Variants in IL1RAP observed in about 807,000 individuals in gnomAD.
IL1RAP encodes interleukin-1 receptor accessory protein.
In IL1RAP, 35 loss-of-function variants were observed where a neutral mutation model predicts 60.7. The ratio of observed to expected loss-of-function variants is 0.58; its 90% confidence interval spans 0.44 to 0.76. IL1RAP has a LOEUF of 0.76. Among genes scored for constraint, IL1RAP ranks in the 30% least tolerant of loss-of-function variants. The pLI is 0.00. For synonymous variants in IL1RAP, 268 were observed against 250.9 expected (o/e 1.07, Z -0.64); for missense variants, 572 against 693.9 (o/e 0.82, Z 1.97).
intron 3 of IL1RAP, among the ~76,000 whole-genome samples, chr3:190,601,806 G>A (rs1339682207): frequency 6.6e-6 from 1 of 151,924 alleles, no homozygotes; most frequent in East Asian, 1.9e-4. Flanking sequence ...CCATACTTCT[G>A]GAGGTGGGCC....
chr3:190,630,099 A>G, intron 9 of IL1RAP: 1 of 770,976 alleles, frequency 1.3e-6, no homozygotes, highest in Non-Finnish European at 1.6e-6. Context: ...TTATAATATT[A>G]TTTTAAACAC....
chr3:190,537,145 T>C (rs996227991), intron 1 of IL1RAP, among the ~76,000 whole-genome samples: 2 of 152,222 alleles, frequency 1.3e-5, no homozygotes, highest in Non-Finnish European at 2.9e-5. Flanking sequence ...ATTTTGCTGA[T>C]TTGGACAGAA....
chr3:190,635,008 C>G (rs1043110792), intron 9 of IL1RAP, among the ~76,000 whole-genome samples: 8 of 152,124 alleles, frequency 5.3e-5, no homozygotes, highest in African/African-American at 1.7e-4. Context: ...AGCCACCGTG[C>G]CCGGCCGTTG....
At chr3:190,614,463 C>T (rs149570391) in intron 5 of IL1RAP, among the ~76,000 whole-genome samples, 41 of 152,076 alleles carry the variant, frequency 2.7e-4, no homozygotes, top group Admixed American at 5.9e-4. Context: ...TAGGAAATGG[C>T]GATTCAGAGA....
intron 1 of IL1RAP, among the ~76,000 whole-genome samples, chr3:190,530,567 C>A (rs1300077510): frequency 6.6e-6 from 1 of 152,102 alleles, no homozygotes; most frequent in East Asian, 1.9e-4. Context: ...AACTCCGATG[C>A]CCTTATGGTA....
Position 190,609,381 on chromosome 3 carries a change from C to T in IL1RAP, c.537+200C>T, listed in dbSNP as rs531001138. 2.8e-4 allele frequency among the ~76,000 whole-genome samples: 42 copies of T among 152,252 alleles called. No homozygotes were observed. The South Asian group carries it at 8.7e-3, about 32-fold the overall frequency. On this transcript the variant is annotated intron_variant, in intron 5 of 11. Transcript: ENST00000447382. ...GTGGTGCACAGTACTTTGTCTCAGG[C>T]CACTATTTCTGAAATTATTCTAACT... is the stretch of plus-strand genomic sequence containing the variant.
At chr3:190,638,203 C>T (rs73889625) in intron 9 of IL1RAP, among the ~76,000 whole-genome samples, 6,400 of 152,080 alleles carry the variant, frequency 0.042, 192 homozygotes, top group African/African-American at 0.078. Context: ...AACTGTTAGA[C>T]CTTTTTTTTT....
At chr3:190,601,053 C>T (rs1729815519) in intron 3 of IL1RAP, among the ~76,000 whole-genome samples, 1 of 152,158 alleles carries the variant, frequency 6.6e-6, no homozygotes, top group African/African-American at 2.4e-5. Flanking sequence ...GGCACGATCT[C>T]AGCTCACTGC....
At chr3:190,631,360 C>A (rs547848233) in intron 9 of IL1RAP, among the ~76,000 whole-genome samples, 1 of 152,132 alleles carries the variant, frequency 6.6e-6, no homozygotes, top group African/African-American at 2.4e-5. Flanking sequence ...GAGTAGCTCC[C>A]CTTTTACAGA....
rs1232921523 is a variant in IL1RAP at position 190,534,931 on chromosome 3, A to AG, written c.-89+20712_-89+20713insG. 2.1e-3 allele frequency among the ~76,000 whole-genome samples: 304 copies of AG among 141,684 alleles called. 1 individual carries two copies. The highest frequency in any genetic ancestry group is 0.015 in the South Asian group (68 of 4,506). The allele number at this position is 141,684 out of a possible 152,430, so 93.0% of individuals were successfully genotyped here. On this transcript the variant is annotated intron_variant, in intron 1 of 11. Transcript: ENST00000447382. ...AGAGAATTAAAAAAAAAAAAAAAAA[A>AG]AAAGAAAACCAGCAAAGTGAAGTGT...
intron 2 of IL1RAP, among the ~76,000 whole-genome samples, chr3:190,561,731 T>C (rs1725904886): frequency 6.6e-6 from 1 of 152,212 alleles, no homozygotes; most frequent in African/African-American, 2.4e-5. Flanking sequence ...TGCTCTTTGC[T>C]GGCAAGTTTA....
chr3:190,523,977 C>T (rs112098713), intron 1 of IL1RAP, among the ~76,000 whole-genome samples: 5 of 152,302 alleles, frequency 3.3e-5, no homozygotes, highest in African/African-American at 1.2e-4. Context: ...GATTTGTACT[C>T]CCAGCAACAG....
chr3:190,650,550 CG>C lies in IL1RAP; in HGVS notation c.*1847del, dbSNP rs1734332285. On this transcript the variant is annotated 3_prime_UTR_variant, in exon 12 of 12. Coordinates refer to ENST00000447382, the MANE Select transcript of IL1RAP (RefSeq NM_002182.4). ...TCGTAATTTAAGAAAGCCCTTATCC[CG>C]GTAACATGAATGTTGATGAACAAAT... The C allele has an allele frequency of 1.0e-6, 1 of 960,570 alleles. No homozygotes were observed. The highest frequency in any genetic ancestry group is 4.8e-5 in the South Asian group (1 of 20,822). The allele number at this position is 960,570 out of a possible 1,614,324, so 59.5% of individuals were successfully genotyped here.
chr3:190,657,497 G>A (rs1010008286), exon 12 of IL1RAP: 11 of 152,236 alleles, frequency 7.2e-5, no homozygotes, highest in Middle Eastern at 3.4e-3. Flanking sequence ...AGGTGCCTTC[G>A]TCCCATTCAG....
In IL1RAP at chr3:190,564,345, A is replaced by G. The variant is rs1726177654; in HGVS notation, c.56A>G (p.Asp19Gly). ...TACTTTTATGGAATCCTGCAAAGTGATGCCTCAGGTAAGTGAATGGCTTTT... is the reference window on the plus strand; with the variant it reads ...TACTTTTATGGAATCCTGCAAAGTGGTGCCTCAGGTAAGTGAATGGCTTTT... ...SLYFYGILQS[D>G]ASERCDDWGL... Residue 19 changes from aspartate (D) to glycine (G), a missense_variant, in exon 3 of 12, where the codon GAT becomes GGT. By Grantham distance (94) the Asp-to-Gly change is moderately conservative. Transcript: ENST00000447382. 6.2e-7 allele frequency: 1 copy of G among 1,609,130 alleles called. No individual in the cohort carries two copies. The highest frequency in any genetic ancestry group is 8.5e-7 in the Non-Finnish European group (1 of 1,175,600).
chr3:190,527,424 T>A (rs1327447206), intron 1 of IL1RAP, among the ~76,000 whole-genome samples: 1 of 152,174 alleles, frequency 6.6e-6, no homozygotes. Context: ...AATCAAATAT[T>A]TCTTGTGTTT....
At chr3:190,648,103 T>A (rs1055935260) in intron 11 of IL1RAP, among the ~76,000 whole-genome samples, 3 of 152,234 alleles carry the variant, frequency 2.0e-5, no homozygotes, top group Non-Finnish European at 4.4e-5. Flanking sequence ...TCATGCCTGT[T>A]TGGAATTCTT....
chr3:190,590,172 C>T (rs1268423521), intron 3 of IL1RAP, among the ~76,000 whole-genome samples: 5 of 152,094 alleles, frequency 3.3e-5, no homozygotes, highest in Admixed American at 3.3e-4. Flanking sequence ...ATGGGATTGG[C>T]ACTGATTAAC....
chr3:190,609,931 C>G (rs1730678173), intron 5 of IL1RAP, among the ~76,000 whole-genome samples: 2 of 152,142 alleles, frequency 1.3e-5, no homozygotes, highest in Non-Finnish European at 2.9e-5. Context: ...CCAACAGGTA[C>G]TCACTGGAAA....
Sources: allele counts gnomAD v4.1 joint callset (sites outside exome capture counted in the v4.1 genomes callset), GRCh38; gene constraint gnomAD v4.1.1; transcripts MANE v1.5; gene names NCBI Gene and HGNC (gene_info 2026-07-23, HGNC 2026-07-21).